Variants in NAALADL2 observed in about 807,000 individuals in gnomAD.
NAALADL2 encodes the protein N-acetylated alpha-linked acidic dipeptidase like 2.
In NAALADL2, 76 loss-of-function variants were observed where a neutral mutation model predicts 87.2. The ratio of observed to expected loss-of-function variants is 0.87; its 90% CI spans 0.72 to 1.05. The LOEUF is 1.05. Ranked by LOEUF, NAALADL2 falls within the 50% of genes least tolerant of loss-of-function variation. The pLI, the probability that NAALADL2 is intolerant of heterozygous loss-of-function variation, is 0.00. For synonymous variants in NAALADL2, 354 were observed against 331.0 expected (o/e 1.07, Z -0.75); for missense variants, 1,089 against 945.8 (o/e 1.15, Z -1.99).
chr3:174,541,883 G>C (rs1256952646), intron 1 of NAALADL2, among the ~76,000 whole-genome samples: 1 of 150,186 alleles, frequency 6.7e-6, no homozygotes. Flanking sequence ...ATTCAAGAGT[G>C]AGTCAGTGGT....
chr3:174,786,484 G>A (rs1335487065), intron 3 of NAALADL2, among the ~76,000 whole-genome samples: 11 of 137,640 alleles, frequency 8.0e-5, no homozygotes, highest in Admixed American at 7.4e-4. Context: ...TAAATGAAAA[G>A]GAGAAAAAAA....
chr3:175,149,180 T>C (rs936370049), intron 2 of NAALADL2, among the ~76,000 whole-genome samples: 10 of 152,174 alleles, frequency 6.6e-5, no homozygotes, highest in Non-Finnish European at 2.9e-5. Context: ...CTTGGTTAGA[T>C]AGTTTTATTT....
intron 2 of NAALADL2, among the ~76,000 whole-genome samples, chr3:175,222,808 A>AT: frequency 6.6e-6 from 1 of 152,308 alleles, no homozygotes; most frequent in Non-Finnish European, 1.5e-5. Flanking sequence ...AGAATACAAC[A>AT]TTTTATGAAA....
chr3:175,362,461 A>G (rs972280126), intron 5 of NAALADL2, among the ~76,000 whole-genome samples: 2 of 147,972 alleles, frequency 1.4e-5, no homozygotes, highest in African/African-American at 4.9e-5. Flanking sequence ...TTGGGCAGTT[A>G]TGGCCATTTT....
chr3:175,602,524 C>A (rs1723117626), intron 10 of NAALADL2, among the ~76,000 whole-genome samples: 1 of 151,768 alleles, frequency 6.6e-6, no homozygotes, highest in Non-Finnish European at 1.5e-5. Context: ...AACACACACA[C>A]ATTATTTTTA....
At chr3:174,560,631 T>C (rs982982454) in intron 2 of NAALADL2, among the ~76,000 whole-genome samples, 2 of 152,176 alleles carry the variant, frequency 1.3e-5, no homozygotes, top group African/African-American at 4.8e-5. Context: ...TGTATTTTGA[T>C]TGATGGTTTT....
At chr3:175,744,378 G>T (rs944557020) in intron 12 of NAALADL2, among the ~76,000 whole-genome samples, 1 of 152,138 alleles carries the variant, frequency 6.6e-6, no homozygotes, top group East Asian at 1.9e-4. Flanking sequence ...ACTTTCTCTG[G>T]TTATTGGTTG....
chr3:175,330,321 T>G (rs2110489378), intron 5 of NAALADL2, among the ~76,000 whole-genome samples: 1 of 152,188 alleles, frequency 6.6e-6, no homozygotes, highest in East Asian at 1.9e-4. Flanking sequence ...GCAGATGCCT[T>G]TGGTCCCAGC....
chr3:175,303,635 C>A (rs142716984), intron 4 of NAALADL2, among the ~76,000 whole-genome samples: 1 of 152,106 alleles, frequency 6.6e-6, no homozygotes, highest in Non-Finnish European at 1.5e-5. Flanking sequence ...CTTAAACTAC[C>A]GCACATAGCG....
intron 3 of NAALADL2, among the ~76,000 whole-genome samples, chr3:174,796,583 T>C (rs1290135443): frequency 1.3e-5 from 2 of 151,984 alleles, no homozygotes; most frequent in Non-Finnish European, 2.9e-5. Flanking sequence ...TGAATAGTTT[T>C]CTATTGTATA....
chr3:174,815,005 A>G (rs1720634546), intron 3 of NAALADL2, among the ~76,000 whole-genome samples: 1 of 152,214 alleles, frequency 6.6e-6, no homozygotes, highest in African/African-American at 2.4e-5. Flanking sequence ...ATTTCTATAT[A>G]ACATGTTGAA....
chr3:174,971,766 C>T (rs1005006079), intron 1 of NAALADL2, among the ~76,000 whole-genome samples: 8 of 151,530 alleles, frequency 5.3e-5, no homozygotes, highest in African/African-American at 7.3e-5. Context: ...GGTGGGATGT[C>T]GGCTTACTGC....
chr3:175,127,207 A>AT (rs1237463921), intron 2 of NAALADL2, among the ~76,000 whole-genome samples: 3 of 152,002 alleles, frequency 2.0e-5, no homozygotes, highest in African/African-American at 7.3e-5. Context: ...TACAATAAAT[A>AT]TTTATCATTT....
intron 1 of NAALADL2, among the ~76,000 whole-genome samples, chr3:174,879,602 T>A (rs1728932532): frequency 6.6e-6 from 1 of 152,246 alleles, no homozygotes; most frequent in Admixed American, 6.6e-5. Flanking sequence ...AAATATATTT[T>A]GTGTAAGTAC....
intron 2 of NAALADL2, among the ~76,000 whole-genome samples, chr3:174,695,162 T>G (rs923456550): frequency 1.3e-4 from 20 of 152,066 alleles, no homozygotes; most frequent in African/African-American, 4.8e-4. Context: ...AAACATTAAC[T>G]GACCATTGTT....
At chr3:175,507,117 C>A (rs573379143) in intron 9 of NAALADL2, among the ~76,000 whole-genome samples, 22 of 151,470 alleles carry the variant, frequency 1.5e-4, no homozygotes, top group South Asian at 2.1e-4. Context: ...AAAAAAAAAA[C>A]CACTCAACAC....
Position 175,260,773 on chromosome 3 carries a change from G to A in NAALADL2, c.939+4243G>A, listed in dbSNP as rs146066642. ...AATTTGGGAGGGAATCTCTACATCC[G>A]AGCTAGGGAGGGCAAAGGGGAAGCA... On this transcript the variant is annotated intron_variant, in intron 4 of 13. Coordinates refer to ENST00000454872, the MANE Select transcript of NAALADL2 (RefSeq NM_207015.3). 6.1e-3 allele frequency among the ~76,000 whole-genome samples: 925 copies of A among 152,194 alleles called. 7 individuals carry two copies. The highest frequency in any genetic ancestry group is 8.7e-3 in the Non-Finnish European group (594 of 67,984).
chr3:174,929,382 T>C (rs183387363), intron 1 of NAALADL2, among the ~76,000 whole-genome samples: 1 of 152,332 alleles, frequency 6.6e-6, no homozygotes, highest in Admixed American at 6.5e-5. Flanking sequence ...CCAGTAAAAG[T>C]GCTCTGATGT....
chr3:175,173,070 C>T (rs1735096114), intron 2 of NAALADL2, among the ~76,000 whole-genome samples: 2 of 151,840 alleles, frequency 1.3e-5, no homozygotes, highest in Non-Finnish European at 2.9e-5. Context: ...GTGAGTGGAT[C>T]TCCTGAGCTC....
Sources: allele counts gnomAD v4.1 joint callset (sites outside exome capture counted in the v4.1 genomes callset), GRCh38; gene constraint gnomAD v4.1.1; transcripts MANE v1.5; gene names NCBI Gene and HGNC (gene_info 2026-07-23, HGNC 2026-07-21).